Variants in LILRA2 observed in about 807,000 individuals in gnomAD.
The protein encoded by LILRA2 is leukocyte immunoglobulin like receptor A2.
A neutral mutation model predicts 47.9 loss-of-function variants in LILRA2; 45 were observed. The ratio of observed to expected loss-of-function variants is 0.94; its 90% CI spans 0.74 to 1.20. The LOEUF is 1.20. Ranked by LOEUF, LILRA2 falls within the 50% of genes most tolerant of loss-of-function variation. The pLI, the probability that LILRA2 is intolerant of heterozygous loss-of-function variation, is 0.00. For missense variants in LILRA2, 651 were observed against 598.2 expected (o/e 1.09, Z -0.92); for synonymous variants, 279 against 249.2 (o/e 1.12, Z -1.13).
chr19:54,585,735 C>T (rs576888915), intron 6 of LILRA2, among the ~76,000 whole-genome samples: 3 of 152,294 alleles, frequency 2.0e-5, no homozygotes, highest in Admixed American at 2.0e-4. Flanking sequence ...AATCCTCCGA[C>T]CCCTTGTGCT....
At position 54,574,950 on chromosome 19, in the gene LILRA2, G is replaced by A; in HGVS notation, c.572G>A (p.Trp191Ter). Reference protein sequence around the residue: ...SVGPVSPSRRWSYRCYAYDSN... With the variant: ...SVGPVSPSRR ...GGCCCCGTGAGCCCGAGTCGCAGGT[G>A]GTCGTACAGGTGCTATGCTTATGAC... The change falls in exon 4 of 8, where the codon TGG (tryptophan) becomes TAG (stop). Residue 191 changes from tryptophan (W) to a stop codon, truncating the protein, a stop_gained. Transcript: ENST00000391738. LOFTEE classifies it high-confidence loss of function. The A allele has an allele frequency of 6.2e-7, 1 of 1,614,280 alleles. No homozygotes were observed. The highest frequency in any genetic ancestry group is 8.5e-7 in the Non-Finnish European group (1 of 1,180,040).
chr19:54,575,187 G>C (rs1040978128), intron 4 of LILRA2, 69 bp from the exon 5 acceptor site: 25 of 1,527,684 alleles, frequency 1.6e-5, no homozygotes, highest in African/African-American at 2.9e-5. Context: ...GAAGATCAGC[G>C]GGGGAGAGGG....
upstream of LILRA2, chr19:54,573,235 C>T: frequency 2.1e-6 from 1 of 480,754 alleles, no homozygotes; most frequent in Admixed American, 3.1e-5. Context: ...TCACCCACCT[C>T]AGCCTCCTGA....
intron 6 of LILRA2, among the ~76,000 whole-genome samples, chr19:54,580,105 C>T (rs552193224): frequency 6.6e-6 from 1 of 151,640 alleles, no homozygotes; most frequent in Admixed American, 6.6e-5. Context: ...TTATTTCTTT[C>T]TCTTGCGTGA....
chr19:54,580,186 G>T (rs537896508), intron 6 of LILRA2, among the ~76,000 whole-genome samples: 13 of 143,282 alleles, frequency 9.1e-5, no homozygotes, highest in African/African-American at 3.6e-4. Context: ...GTCTTGTGCC[G>T]GTTTTCTTTT....
In LILRA2 at chr19:54,578,910, A is replaced by G. The variant is rs148819809; in HGVS notation, c.1255+2801A>G. On this transcript the variant is annotated intron_variant, in intron 6 of 7. Transcript: ENST00000391738. The stretch of plus-strand genomic sequence containing the variant: ...ATTTTTGCATATGTCTGTTGCCTGC[A>G]TAAATGTCTTCTCTTGAGAAGTGTC... Among the ~76,000 whole-genome samples the G allele has an allele frequency of 6.3e-3, 949 of 151,680 alleles. 8 individuals carry two copies. The highest frequency in any genetic ancestry group is 0.022 in the African/African-American group (902 of 41,374).
At chr19:54,577,422 C>G in intron 6 of LILRA2, 1 of 1,239,262 alleles carries the variant, frequency 8.1e-7, no homozygotes, top group Non-Finnish European at 1.0e-6. Context: ...GGAGAGAGGA[C>G]AGATGGACAG....
At position 54,588,604 on chromosome 19, in the gene LILRA2, T is replaced by C. The variant is rs1477700973; in HGVS notation, c.*1258T>C. ...CTGGGCGACAGAGCAAGACTCCGTC[T>C]CAAAAAAAAAAAAAAATCCAAGTAC... On this transcript the variant is annotated 3_prime_UTR_variant, in exon 8 of 8. Coordinates refer to ENST00000391738, the MANE Select transcript of LILRA2 (RefSeq NM_001130917.3). 1 of 127,200 alleles carries C rather than the reference T, an allele frequency of 7.9e-6. No homozygotes were observed. Among genetic ancestry groups the C allele is most frequent in the African/African-American group, 2.9e-5 (1 of 34,114 alleles). 7.9% of individuals were successfully genotyped at this position (127,200 alleles called of 1,614,324 possible). A position where few individuals can be genotyped will look rare whatever the true frequency, so the allele number is the denominator to read the frequency against.
chr19:54,587,336 C>T lies in LILRA2; in HGVS notation c.1442C>T (p.Ala481Val). 6.2e-7 allele frequency: 1 copy of T among 1,614,098 alleles called. No homozygotes were observed. The stretch of plus-strand genomic sequence containing the variant: ...AGCCAGAGAAGCCTACAAGATGCAG[C>T]CGGGAGGTGAACAGCAGAGAGGACA... Reference protein sequence around the residue: ...QHSQRSLQDAAGR With the variant: ...QHSQRSLQDAVGR The change falls in exon 8 of 8, where the codon GCC becomes GTC. Residue 481 changes from alanine to valine, a missense_variant. By Grantham distance (64) the Ala-to-Val change is moderately conservative (BLOSUM62 0). Coordinates refer to ENST00000391738, the MANE Select transcript of LILRA2 (RefSeq NM_001130917.3).
At chr19:54,577,741 G>T (rs1000101165) in intron 6 of LILRA2, 8 of 1,211,002 alleles carry the variant, frequency 6.6e-6, no homozygotes, top group Non-Finnish European at 8.4e-6. Context: ...TTCACAGCAC[G>T]TCTTTCTGTT....
Position 54,575,936 on chromosome 19 carries a change from G to C in LILRA2, c.1082G>C (p.Gly361Ala), listed in dbSNP as rs7249154. The change falls in exon 6 of 8, where the codon GGC becomes GCC. Residue 361 changes from glycine to alanine, a missense_variant. Gly to Ala is a moderately conservative substitution (Grantham distance 60, BLOSUM62 0). Transcript: ENST00000391738. ...HTFLLTKEGA[G>A]HPPLHLRSEH... ...TTCCTTCTGACCAAGGAGGGGGCAG[G>C]CCATCCCCCACTGCATCTGAGATCA... is the stretch of plus-strand genomic sequence containing the variant. The C allele has an allele frequency of 3.6e-3, 5,704 of 1,580,424 alleles. 199 individuals are homozygous for C. The African/African-American group carries it at 0.067, about 19-fold the overall frequency.
In LILRA2 at chr19:54,575,791, T is replaced by A. The variant is rs759226098; in HGVS notation, c.953-16T>A. On this transcript the variant is annotated splice_polypyrimidine_tract_variant and intron_variant, in intron 5 of 7. Coordinates refer to ENST00000391738, the MANE Select transcript of LILRA2 (RefSeq NM_001130917.3). ...ACAAGGTGGGGCAGCCCCTCACCCA[T>A]CCTTCTTCTCTCTAGGACAGTTCTA... 1.7e-5 allele frequency: 27 copies of A among 1,612,042 alleles called. No individual in the cohort carries two copies. The highest frequency in any genetic ancestry group is 2.2e-5 in the Non-Finnish European group (26 of 1,179,318).
rs1449764577 is a variant in LILRA2, at chr19:54,575,278, C to T, written c.678C>T (p.Leu226=). ...CAGGTGTTTCTAAGAAGCCATCACT[C>T]TCAGTGCAGCCAGGTCCTATGGTGG... ...LVPGVSKKPS[L]SVQPGPMVAP... is the part of the protein sequence containing the mutation. Residue 226 remains leucine, a synonymous_variant, in exon 5 of 8, where the codon CTC becomes CTT. Coordinates refer to ENST00000391738, the MANE Select transcript of LILRA2 (RefSeq NM_001130917.3). The T allele has an allele frequency of 6.2e-7, 1 of 1,612,892 alleles. No homozygotes were observed. The highest frequency in any genetic ancestry group is 2.2e-5 in the East Asian group (1 of 44,856).
At position 54,587,544 on chromosome 19, in the gene LILRA2, A is replaced by AT. The variant is rs1293480220; in HGVS notation, c.*205dup. On this transcript the variant is annotated 3_prime_UTR_variant, in exon 8 of 8. Transcript: ENST00000391738. ...CTAGAAGATCATTAAACTGTGGTAC[A>AT]TTTTTTTGTCTATGAATGTTGACTT... is the stretch of plus-strand genomic sequence containing the variant. The AT allele has an allele frequency of 7.2e-6, 7 of 973,744 alleles. No individual in the cohort carries two copies. The highest frequency in any genetic ancestry group is 2.7e-5 in the East Asian group (1 of 37,678). 60.3% of individuals were successfully genotyped at this position (973,744 alleles called of 1,614,324 possible).
chr19:54,574,135 A>G, intron 2 of LILRA2, 24 bp downstream of exon 2: 1 of 1,614,276 alleles, frequency 6.2e-7, no homozygotes, highest in Non-Finnish European at 8.5e-7. Context: ...CAGCTGTCCC[A>G]GGTCCCTCCT....
At chr19:54,577,268 C>T (rs1288242776) in intron 6 of LILRA2, among the ~76,000 whole-genome samples, 1 of 152,110 alleles carries the variant, frequency 6.6e-6, no homozygotes, top group African/African-American at 2.4e-5. Context: ...CTGCAGGACC[C>T]CCAGCCCCTG....
chr19:54,587,584 C>T lies in LILRA2; in HGVS notation c.*238C>T, dbSNP rs892195638. Reference sequence around the variant, plus strand: ...AATGTTGACTTCCCTTGACTGGATCCCCTTTTTTTCCCATCCCCAGACATG... The same window carrying T: ...AATGTTGACTTCCCTTGACTGGATCTCCTTTTTTTCCCATCCCCAGACATG... On this transcript the variant is annotated 3_prime_UTR_variant, in exon 8 of 8. Coordinates refer to ENST00000391738, the MANE Select transcript of LILRA2 (RefSeq NM_001130917.3). 4,801 of 686,268 alleles carry T rather than the reference C, an allele frequency of 7.0e-3. No individual in the cohort carries two copies. The South Asian group carries it at 0.071, about 10-fold the overall frequency. 42.5% of individuals were successfully genotyped at this position (686,268 alleles called of 1,614,324 possible).
At chr19:54,577,487 A>G in intron 6 of LILRA2, 1 of 1,288,986 alleles carries the variant, frequency 7.8e-7, no homozygotes, top group Non-Finnish European at 1.0e-6. Context: ...TAAGCCCTTC[A>G]CCCACACCTG....
At position 54,574,835 on chromosome 19, in the gene LILRA2, A is replaced by C. The variant is rs565470994; in HGVS notation, c.457A>C (p.Ile153Leu). The C allele has an allele frequency of 1.2e-6, 2 of 1,614,136 alleles. No individual in the cohort carries two copies. The highest frequency in any genetic ancestry group is 1.3e-5 in the African/African-American group (1 of 75,054). ...CTCACAGGTGGCATTTGACGGCTTC[A>C]TTCTGTGTAAGGAAGGAGAAGATGA... ...CVSQVAFDGFILCKEGEDEHP... is the reference protein window; with the variant it reads ...CVSQVAFDGFLLCKEGEDEHP... Residue 153 changes from isoleucine to leucine, a missense_variant, in exon 4 of 8, where the codon ATT becomes CTT. Physicochemically the swap from Ile to Leu is conservative, Grantham distance 5. Transcript: ENST00000391738.
Sources: gnomAD v4.1 joint callset for allele counts (sites outside exome capture counted in the v4.1 genomes callset) on GRCh38, gnomAD v4.1.1 for gene constraint, MANE v1.5 for transcripts, NCBI Gene and HGNC (gene_info 2026-07-23, HGNC 2026-07-21) for gene names.